The following RNF150 variants were observed in gnomAD, a reference collection of about 807,000 sequenced individuals.
The protein encoded by RNF150 is ring finger protein 150.
A neutral mutation model predicts 39.3 loss-of-function variants in RNF150; 24 were observed. The observed-to-expected ratio is 0.61, with a 90% CI of 0.44 to 0.86. RNF150 has a LOEUF of 0.86. Ranked by LOEUF, RNF150 falls within the 40% of genes least tolerant of loss-of-function variation. The probability of loss-of-function intolerance (pLI) is 0.00; values close to 1 mark genes in which losing one functional copy is unlikely to be tolerated. For synonymous variants in RNF150, 255 were observed against 227.3 expected, an observed-to-expected ratio of 1.12 and a Z score of -1.10; for missense variants, 502 against 587.8, an observed-to-expected ratio of 0.85 and a Z score of 1.51.
At chr4:140,910,704 AGTGT>A (rs971137973) in intron 6 of RNF150, among the ~76,000 whole-genome samples, 1 of 35,278 alleles carries the variant, frequency 2.8e-5, no homozygotes, top group African/African-American at 7.1e-5. Flanking sequence ...TCGGGGCTCC[AGTGT>A]GTGTGTGTGT....
At chr4:140,968,746 G>T (rs143178579) in intron 1 of RNF150, among the ~76,000 whole-genome samples, 191 of 151,670 alleles carry the variant, frequency 1.3e-3, no homozygotes, top group African/African-American at 4.4e-3. Flanking sequence ...TTGTCCTTAC[G>T]CATCATGACA....
At chr4:141,140,392 T>C (rs1424385320) in intron 1 of RNF150, among the ~76,000 whole-genome samples, 2 of 152,210 alleles carry the variant, frequency 1.3e-5, no homozygotes, top group African/African-American at 2.4e-5. Context: ...CAACTTTATG[T>C]CATAAAATGT....
intron 6 of RNF150, among the ~76,000 whole-genome samples, chr4:140,891,461 G>A (rs1362187636): frequency 1.3e-5 from 2 of 152,190 alleles, no homozygotes; most frequent in African/African-American, 4.8e-5. Context: ...AGGCTGGACA[G>A]TGGTGGAAAA....
At chr4:141,045,731 A>G (rs1471858578) in intron 1 of RNF150, among the ~76,000 whole-genome samples, 1 of 151,810 alleles carries the variant, frequency 6.6e-6, no homozygotes, top group Non-Finnish European at 1.5e-5. Flanking sequence ...TTTAGTAGAG[A>G]CGGGGTTTCA....
intron 6 of RNF150, among the ~76,000 whole-genome samples, chr4:140,909,236 T>G (rs972772442): frequency 2.6e-5 from 4 of 152,170 alleles, no homozygotes; most frequent in African/African-American, 9.6e-5. Flanking sequence ...ACCTTTAATG[T>G]TCTCTTCCAT....
At chr4:141,066,113 G>T (rs576555056) in intron 1 of RNF150, among the ~76,000 whole-genome samples, 1 of 151,914 alleles carries the variant, frequency 6.6e-6, no homozygotes, top group East Asian at 2.0e-4. Context: ...TTTGGAGAGG[G>T]ATGAATCAGC....
chr4:140,935,006 TA>T (rs200724415), intron 4 of RNF150, among the ~76,000 whole-genome samples: 1 of 80,432 alleles, frequency 1.2e-5, no homozygotes, highest in Non-Finnish European at 2.5e-5. Flanking sequence ...TATATATATA[TA>T]AATATATATA....
At chr4:141,159,419 A>C (rs1166263612) in intron 1 of RNF150, among the ~76,000 whole-genome samples, 1 of 152,186 alleles carries the variant, frequency 6.6e-6, no homozygotes, top group Non-Finnish European at 1.5e-5. Context: ...AAAAACTCTC[A>C]GCCATATGAG....
intron 5 of RNF150, among the ~76,000 whole-genome samples, chr4:140,918,691 C>T: frequency 6.7e-6 from 1 of 148,960 alleles, no homozygotes; most frequent in Non-Finnish European, 1.5e-5. Context: ...TTTATGAGGC[C>T]AGCATCATCC....
chr4:141,007,482 A>G (rs1489321517), intron 1 of RNF150, among the ~76,000 whole-genome samples: 1 of 152,210 alleles, frequency 6.6e-6, no homozygotes, highest in Non-Finnish European at 1.5e-5. Context: ...TGCCAGGTCT[A>G]TAAGTATATT....
At chr4:140,976,366 T>C (rs1325063480) in intron 1 of RNF150, among the ~76,000 whole-genome samples, 2 of 152,056 alleles carry the variant, frequency 1.3e-5, no homozygotes, top group Non-Finnish European at 2.9e-5. Context: ...TTTCCCTCAG[T>C]TAACTCCTAG....
At chr4:140,978,547 T>G (rs1047160834) in intron 1 of RNF150, among the ~76,000 whole-genome samples, 4 of 152,112 alleles carry the variant, frequency 2.6e-5, no homozygotes. Flanking sequence ...GTAGGGTGAG[T>G]GATAAATGTA....
chr4:141,017,697 T>C (rs1735333021), intron 1 of RNF150, among the ~76,000 whole-genome samples: 1 of 152,200 alleles, frequency 6.6e-6, no homozygotes, highest in African/African-American at 2.4e-5. Flanking sequence ...TCTTTTTAAC[T>C]CTCTCCATAG....
chr4:141,131,962 A>G (rs1329338108), intron 1 of RNF150, among the ~76,000 whole-genome samples: 1 of 152,122 alleles, frequency 6.6e-6, no homozygotes, highest in African/African-American at 2.4e-5. Context: ...CTGTGGTATC[A>G]GATCTACTGG....
chr4:141,155,704 T>G (rs1727381301), intron 1 of RNF150, among the ~76,000 whole-genome samples: 1 of 151,744 alleles, frequency 6.6e-6, no homozygotes, highest in African/African-American at 2.4e-5. Flanking sequence ...TGTCAAAAGG[T>G]GAAATGGAGG....
intron 5 of RNF150, among the ~76,000 whole-genome samples, chr4:140,923,253 T>C (rs1326090915): frequency 6.6e-6 from 1 of 151,900 alleles, no homozygotes; most frequent in African/African-American, 2.4e-5. Context: ...GAATCTACAA[T>C]GAACTCAAAC....
intron 1 of RNF150, among the ~76,000 whole-genome samples, chr4:141,023,420 A>AT (rs70946790): frequency 0.12 from 17,865 of 149,154 alleles, 1,183 homozygotes; most frequent in Admixed American, 0.16. Context: ...TACTTTTCAT[A>AT]TTTTTTTTTT....
chr4:140,920,867 A>G (rs1273522708), intron 5 of RNF150, among the ~76,000 whole-genome samples: 1 of 151,524 alleles, frequency 6.6e-6, no homozygotes, highest in Non-Finnish European at 1.5e-5. Context: ...GTAAAAAATG[A>G]TGAGTTCATG....
intron 1 of RNF150, among the ~76,000 whole-genome samples, chr4:141,029,254 T>C (rs778658503): frequency 6.6e-6 from 1 of 152,222 alleles, no homozygotes; most frequent in African/African-American, 2.4e-5. Context: ...TCATTGATAA[T>C]GTATAGAAAC....
Sources: gnomAD v4.1 joint callset for allele counts (sites outside exome capture counted in the v4.1 genomes callset) on GRCh38, gnomAD v4.1.1 for gene constraint, MANE v1.5 for transcripts, NCBI Gene and HGNC (gene_info 2026-07-23, HGNC 2026-07-21) for gene names.